The following SNTB2 variants were observed in gnomAD, a reference collection of about 807,000 sequenced individuals.
The protein encoded by SNTB2 is syntrophin beta 2.
In SNTB2, 34 loss-of-function variants were observed where a neutral mutation model predicts 46.2. That is an observed-to-expected ratio of 0.74 (90% confidence interval 0.56 to 0.98). SNTB2 has a LOEUF of 0.98. Ranked by LOEUF, SNTB2 falls within the 50% of genes least tolerant of loss-of-function variation. The pLI, the probability that SNTB2 is intolerant of heterozygous loss-of-function variation, is 0.00. For missense variants in SNTB2, 603 were observed against 731.4 expected (o/e 0.82, Z 2.02); for synonymous variants, 290 against 312.6 (o/e 0.93, Z 0.76).
At chr16:69,259,703 A>C (rs1470447907) in intron 2 of SNTB2, among the ~76,000 whole-genome samples, 1 of 149,076 alleles carries the variant, frequency 6.7e-6, no homozygotes, top group Non-Finnish European at 1.5e-5. Flanking sequence ...TCCTGGGGTC[A>C]AGCGATTCTC....
At chr16:69,299,957 T>C (rs925587812) in intron 6 of SNTB2, among the ~76,000 whole-genome samples, 183 bp downstream of exon 6, 2 of 152,164 alleles carry the variant, frequency 1.3e-5, no homozygotes, top group African/African-American at 4.8e-5. Flanking sequence ...AGTGGTGCAA[T>C]CATAGCTTCC....
In SNTB2 at chr16:69,270,236, A is replaced by G; in HGVS notation, c.1099A>G (p.Arg367Gly). The G allele has an allele frequency of 1.9e-6, 3 of 1,614,110 alleles. No homozygotes were observed. The highest frequency in any genetic ancestry group is 2.5e-6 in the Non-Finnish European group (3 of 1,180,008). ...GCTCTATGACTGTATGCCGTGGACA[A>G]GAGATGCCTGGGCGTCACCATGCCA... ...LLLYDCMPWT[R>G]DAWASPCHSY... Residue 367 changes from arginine (R) to glycine (G), a missense_variant, in exon 4 of 7, where the codon AGA becomes GGA. Physicochemically the swap from Arg to Gly is moderately radical, Grantham distance 125. Coordinates refer to ENST00000336278, the MANE Select transcript of SNTB2 (RefSeq NM_006750.4).
chr16:69,238,979 C>T (rs1172773756), intron 1 of SNTB2, among the ~76,000 whole-genome samples: 2 of 152,198 alleles, frequency 1.3e-5, no homozygotes, highest in African/African-American at 4.8e-5. Flanking sequence ...CGTACATGGT[C>T]TGCCTCCCAG....
intron 1 of SNTB2, among the ~76,000 whole-genome samples, chr16:69,229,909 C>T (rs1344038942): frequency 3.3e-5 from 5 of 150,714 alleles, no homozygotes; most frequent in Admixed American, 2.6e-4. Flanking sequence ...GCCTCAGCCT[C>T]CTGAGTAGCT....
chr16:69,221,049 G>C (rs185981736), intron 1 of SNTB2, among the ~76,000 whole-genome samples: 47 of 152,212 alleles, frequency 3.1e-4, no homozygotes, highest in African/African-American at 1.1e-3. Context: ...ACAGTATGTA[G>C]CCTTTTGATT....
At chr16:69,247,697 A>G (rs1378856336) in intron 2 of SNTB2, among the ~76,000 whole-genome samples, 2 of 152,204 alleles carry the variant, frequency 1.3e-5, no homozygotes, top group Non-Finnish European at 2.9e-5. Context: ...ATACACCACC[A>G]TGTCATCATC....
chr16:69,260,285 A>T (rs1964823014), intron 3 of SNTB2, 25 bp downstream of exon 3: 2 of 1,606,782 alleles, frequency 1.2e-6, no homozygotes, highest in East Asian at 4.5e-5. Flanking sequence ...AGGGCAGAGT[A>T]TCACCTGGTT....
chr16:69,191,665 G>A (rs1597166501), intron 1 of SNTB2, among the ~76,000 whole-genome samples: 1 of 151,266 alleles, frequency 6.6e-6, no homozygotes, highest in African/African-American at 2.4e-5. Context: ...TTTTGAGACA[G>A]AGTCTCACTC....
At chr16:69,190,333 GTC>G (rs949943330) in intron 1 of SNTB2, among the ~76,000 whole-genome samples, 9 of 152,194 alleles carry the variant, frequency 5.9e-5, no homozygotes, top group African/African-American at 1.9e-4. Context: ...GAAAGCTATA[GTC>G]TTTGGTTGCC....
At chr16:69,267,614 G>A (rs1440937828) in intron 3 of SNTB2, among the ~76,000 whole-genome samples, 1 of 152,172 alleles carries the variant, frequency 6.6e-6, no homozygotes, top group African/African-American at 2.4e-5. Flanking sequence ...AATTCTCAGA[G>A]TTAGGTTTTG....
rs12051293 is a variant in SNTB2 at position 69,193,437 on chromosome 16, T to C, written c.580+5691T>C. ...TCCGCCTCCTGGGTTCAAGAAATTCTCCTGCCTCGGCCTCCCAAGTAGCTT... is the reference window on the plus strand; with the variant it reads ...TCCGCCTCCTGGGTTCAAGAAATTCCCCTGCCTCGGCCTCCCAAGTAGCTT... On this transcript the variant is annotated intron_variant, in intron 1 of 6. Coordinates refer to ENST00000336278, the MANE Select transcript of SNTB2 (RefSeq NM_006750.4). Among the ~76,000 whole-genome samples, 7 of 147,200 alleles carry C rather than the reference T, an allele frequency of 4.8e-5. No homozygotes were observed. In the East Asian group the frequency reaches 1.5e-3, roughly 31 times the overall value.
intron 1 of SNTB2, among the ~76,000 whole-genome samples, chr16:69,238,781 C>T (rs1314875537): frequency 6.6e-6 from 1 of 152,146 alleles, no homozygotes; most frequent in Non-Finnish European, 1.5e-5. Flanking sequence ...CTCACCACCT[C>T]CACTACTATT....
intron 1 of SNTB2, among the ~76,000 whole-genome samples, chr16:69,190,267 T>C (rs983761767): frequency 6.6e-6 from 1 of 152,208 alleles, no homozygotes; most frequent in Non-Finnish European, 1.5e-5. Context: ...ACAGTGATGC[T>C]TTTTTGTGGT....
chr16:69,217,935 G>A (rs1235159540), intron 1 of SNTB2, among the ~76,000 whole-genome samples: 4 of 152,162 alleles, frequency 2.6e-5, no homozygotes, highest in African/African-American at 7.2e-5. Context: ...GAGGTCTCCT[G>A]TAGCTCTGAA....
In SNTB2 at chr16:69,187,189, C is replaced by A; in HGVS notation, c.23C>A (p.Ala8Glu). Residue 8 changes from alanine to glutamate, a missense_variant, in exon 1 of 7, where the codon GCG becomes GAG. By Grantham distance (107) the Ala-to-Glu change is moderately radical. Coordinates refer to ENST00000336278, the MANE Select transcript of SNTB2 (RefSeq NM_006750.4). Reference protein sequence around the residue: MRVAAATAAAGAGPAMAV... With the variant: MRVAAATEAAGAGPAMAV... ...GGAATGAGGGTAGCTGCGGCGACTG[C>A]GGCGGCTGGAGCGGGGCCGGCCATG... The A allele has an allele frequency of 7.3e-7, 1 of 1,377,396 alleles. No homozygotes were observed. Among genetic ancestry groups the A allele is most frequent in the South Asian group, 1.7e-5 (1 of 57,674 alleles). The allele number at this position is 1,377,396 out of a possible 1,614,324, so 85.3% of individuals were successfully genotyped here.
chr16:69,284,295 A>G, intron 5 of SNTB2, 51 bp downstream of exon 5: 1 of 1,478,578 alleles, frequency 6.8e-7, no homozygotes, highest in African/African-American at 1.4e-5. Context: ...GAACTGTTAT[A>G]TAGTCATGTG....
At chr16:69,187,773 G>GGGGGGCC in intron 1 of SNTB2, 27 bp downstream of exon 1, 1 of 331,854 alleles carries the variant, frequency 3.0e-6, no homozygotes, top group Non-Finnish European at 5.5e-6. Context: ...GGGAGGGTGG[G>GGGGGGCC]CAGGCCGCGG....
chr16:69,260,035 T>C lies in SNTB2; in HGVS notation c.795-15T>C, dbSNP rs1262284141. On this transcript the variant is annotated splice_polypyrimidine_tract_variant and intron_variant, in intron 2 of 6. Transcript: ENST00000336278. ...CTGTCCTAGCTCACTTTTTTTTTTT[T>C]CTTTTTCCACACAGATTGATAGAGC... The C allele has an allele frequency of 1.9e-6, 3 of 1,607,898 alleles. No homozygotes were observed. Among genetic ancestry groups the C allele is most frequent in the Non-Finnish European group, 1.7e-6 (2 of 1,175,198 alleles).
Position 69,251,703 on chromosome 16 carries a change from G to A in SNTB2, c.794+5888G>A, listed in dbSNP as rs982471880. On this transcript the variant is annotated intron_variant, in intron 2 of 6. Coordinates refer to ENST00000336278, the MANE Select transcript of SNTB2 (RefSeq NM_006750.4). ...TGAGGGAGGAGAATCGCATGAACTC[G>A]GTAGGCAGAGGTTGTGGTGAGCTGA... Among the ~76,000 whole-genome samples, 8 of 152,158 alleles carry A rather than the reference G, an allele frequency of 5.3e-5. 1 individual carries two copies. Among genetic ancestry groups the A allele is most frequent in the Admixed American group, 6.5e-5 (1 of 15,272 alleles).
Sources: gnomAD v4.1 joint callset for allele counts (sites outside exome capture counted in the v4.1 genomes callset) on GRCh38, gnomAD v4.1.1 for gene constraint, MANE v1.5 for transcripts, NCBI Gene and HGNC (gene_info 2026-07-23, HGNC 2026-07-21) for gene names.